CCDC171: variants seen among roughly 807,000 people sequenced by gnomAD.
The protein encoded by CCDC171 is coiled-coil domain-containing protein 171.
CCDC171 carries 177 observed loss-of-function variants against 168.2 expected under a neutral mutation model. The ratio of observed to expected loss-of-function variants is 1.05; its 90% confidence interval spans 0.93 to 1.19. CCDC171 has a LOEUF of 1.19. Among genes scored for constraint, CCDC171 ranks in the 50% most tolerant of loss-of-function variants. The probability of loss-of-function intolerance (pLI) is 0.00; values close to 1 mark genes in which losing one functional copy is unlikely to be tolerated. For synonymous variants in CCDC171, 687 were observed against 540.8 expected, an observed-to-expected ratio of 1.27 and a Z score of -3.75; for missense variants, 1,991 against 1,539.0, an observed-to-expected ratio of 1.29 and a Z score of -4.91.
intron 4 of CCDC171, among the ~76,000 whole-genome samples, chr9:15,581,402 G>A (rs1017375333): frequency 1.3e-5 from 2 of 152,080 alleles, no homozygotes; most frequent in African/African-American, 2.4e-5. Flanking sequence ...GCTACCACTG[G>A]CTTTCTTCAC....
intron 14 of CCDC171, among the ~76,000 whole-genome samples, chr9:15,727,461 G>A (rs781083097): frequency 2.0e-4 from 31 of 152,160 alleles, no homozygotes; most frequent in Admixed American, 7.2e-4. Context: ...ATCTATTTTG[G>A]CAAATGTAAC....
At chr9:15,897,266 A>G (rs927303294) in intron 24 of CCDC171, among the ~76,000 whole-genome samples, 4 of 139,574 alleles carry the variant, frequency 2.9e-5, no homozygotes, top group Non-Finnish European at 6.3e-5. Context: ...TTAATCGAGT[A>G]TACCAGAAGT....
chr9:15,908,942 TG>T (rs1823185536), intron 24 of CCDC171, among the ~76,000 whole-genome samples: 1 of 152,100 alleles, frequency 6.6e-6, no homozygotes, highest in African/African-American at 2.4e-5. Context: ...ACATGAGACT[TG>T]GGTGGGGACA....
intron 24 of CCDC171, among the ~76,000 whole-genome samples, chr9:15,905,951 C>G (rs1254143644): frequency 6.6e-6 from 1 of 152,174 alleles, no homozygotes; most frequent in Non-Finnish European, 1.5e-5. Context: ...TGGACACATA[C>G]ACCCTCCCAA....
At chr9:15,699,160 C>G (rs867481700) in intron 11 of CCDC171, among the ~76,000 whole-genome samples, 28 of 151,936 alleles carry the variant, frequency 1.8e-4, no homozygotes, top group African/African-American at 6.8e-4. Context: ...GAGTTTCTTC[C>G]TTCTGGTGGG....
intron 11 of CCDC171, among the ~76,000 whole-genome samples, chr9:15,715,024 C>G (rs997936380): frequency 1.7e-4 from 26 of 152,160 alleles, no homozygotes; most frequent in African/African-American, 5.8e-4. Flanking sequence ...TCTTGTTACC[C>G]AAGATCCAAT....
chr9:16,054,608 AG>A (rs1833804436), intron 1 of CCDC171, among the ~76,000 whole-genome samples: 1 of 152,194 alleles, frequency 6.6e-6, no homozygotes, highest in African/African-American at 2.4e-5. Context: ...GAATAGAGCC[AG>A]GGGGAGGACT....
Position 15,695,246 on chromosome 9 carries a change from C to A in CCDC171, c.1227C>A (p.His409Gln). The A allele has an allele frequency of 6.2e-7, 1 of 1,613,474 alleles. No individual in the cohort carries two copies. The highest frequency in any genetic ancestry group is 8.5e-7 in the Non-Finnish European group (1 of 1,179,482). Residue 409 changes from histidine (H) to glutamine (Q), a missense_variant, in exon 11 of 26, where the codon CAC becomes CAA. By Grantham distance (24) the His-to-Gln change is conservative. Coordinates refer to ENST00000380701, the MANE Select transcript of CCDC171 (RefSeq NM_173550.4). ...TTCTTAATTAAAAGGCTAAGAAGCA[C>A]CAGGCCTTCCTAGTAGAGACATGTG... ...LQEELVMAKK[H>Q]QAFLVETCEN...
chr9:16,047,307 CT>C (rs1189394502), intron 1 of CCDC171, among the ~76,000 whole-genome samples: 2 of 152,164 alleles, frequency 1.3e-5, no homozygotes, highest in Non-Finnish European at 2.9e-5. Flanking sequence ...GATGGTCCAT[CT>C]ATCTATGCAG....
intron 3 of CCDC171, among the ~76,000 whole-genome samples, chr9:15,995,406 C>T (rs1011815008): frequency 5.3e-5 from 8 of 152,124 alleles, no homozygotes; most frequent in Non-Finnish European, 1.0e-4. Flanking sequence ...TTTTTGTTAG[C>T]GTAATAATGG....
chr9:15,590,108 G>A (rs2041872395), intron 4 of CCDC171, among the ~76,000 whole-genome samples: 1 of 152,164 alleles, frequency 6.6e-6, no homozygotes, highest in Admixed American at 6.5e-5. Flanking sequence ...TAGGTCAAAT[G>A]CAAAGGATCA....
chr9:15,642,363 A>ACG (rs1212194341), intron 7 of CCDC171, among the ~76,000 whole-genome samples: 8 of 47,726 alleles, frequency 1.7e-4, no homozygotes, highest in East Asian at 3.5e-3. Flanking sequence ...ATATATATAT[A>ACG]TATATATATA....
rs564467740 is a variant in CCDC171 at position 15,830,430 on chromosome 9, T to C, written c.3268-16272T>C. On this transcript the variant is annotated intron_variant, in intron 21 of 25. Coordinates refer to ENST00000380701, the MANE Select transcript of CCDC171 (RefSeq NM_173550.4). ...TAACTTTTATGTTACTATATGCTTA[T>C]TACGAGGAAAGCATATTAAGAAACA... Among the ~76,000 whole-genome samples, 6 of 152,328 alleles carry C rather than the reference T, an allele frequency of 3.9e-5. No individual in the cohort carries two copies. The South Asian group carries it at 1.2e-3, about 32-fold the overall frequency.
At chr9:15,872,229 T>C (rs892981939) in intron 23 of CCDC171, among the ~76,000 whole-genome samples, 2 of 151,508 alleles carry the variant, frequency 1.3e-5, no homozygotes, top group Non-Finnish European at 2.9e-5. Context: ...TTTTGCAAGT[T>C]TTTTTTATTC....
chr9:16,027,746 C>G (rs1033900802), intron 6 of CCDC171, among the ~76,000 whole-genome samples: 3 of 152,138 alleles, frequency 2.0e-5, no homozygotes, highest in Non-Finnish European at 4.4e-5. Context: ...GAAACCCAGT[C>G]AAGGGCGAAC....
At chr9:15,763,467 T>C (rs765400394) in intron 18 of CCDC171, among the ~76,000 whole-genome samples, 23 of 152,190 alleles carry the variant, frequency 1.5e-4, no homozygotes, top group Admixed American at 3.3e-4. Flanking sequence ...CCAGCCCTTA[T>C]CCAGAGTTAG....
At chr9:15,790,856 C>T (rs1443898199) in intron 21 of CCDC171, among the ~76,000 whole-genome samples, 6 of 152,154 alleles carry the variant, frequency 3.9e-5, no homozygotes. Context: ...AACAGGGAAT[C>T]CTTTCCCCAT....
intron 16 of CCDC171, among the ~76,000 whole-genome samples, chr9:15,734,315 C>T (rs2054343487): frequency 6.6e-6 from 1 of 152,172 alleles, no homozygotes; most frequent in South Asian, 2.1e-4. Context: ...GCAAGTGGAT[C>T]ACCTTGAGGT....
chr9:15,814,509 A>AT (rs1208483364), intron 21 of CCDC171, among the ~76,000 whole-genome samples: 1 of 152,020 alleles, frequency 6.6e-6, no homozygotes, highest in African/African-American at 2.4e-5. Context: ...GCTTATATGA[A>AT]TTTTTTTTAA....
Sources: allele counts gnomAD v4.1 joint callset (sites outside exome capture counted in the v4.1 genomes callset), GRCh38; gene constraint gnomAD v4.1.1; transcripts MANE v1.5; gene names NCBI Gene and HGNC (gene_info 2026-07-23, HGNC 2026-07-21).